Variants in APLF observed in about 807,000 individuals in gnomAD.
The protein encoded by APLF is aprataxin and PNK-like factor.
In APLF, 61 loss-of-function variants were observed where a neutral mutation model predicts 55.6. The ratio of observed to expected loss-of-function variants is 1.10; its 90% CI spans 0.89 to 1.36. The LOEUF (loss-of-function observed/expected upper bound fraction) is 1.36, where lower values mean the gene tolerates loss of function less well. APLF is among the 40% of genes most tolerant of loss of function. The probability of loss-of-function intolerance (pLI) is 0.00; values close to 1 mark genes in which losing one functional copy is unlikely to be tolerated. For missense variants in APLF, 611 were observed against 602.5 expected (o/e 1.01, Z -0.15); for synonymous variants, 207 against 214.8 (o/e 0.96, Z 0.32).
At chr2:68,469,799 A>G (rs1675562936) in intron 1 of APLF, among the ~76,000 whole-genome samples, 1 of 152,238 alleles carries the variant, frequency 6.6e-6, no homozygotes, top group Non-Finnish European at 1.5e-5. Flanking sequence ...AAACTCAGTA[A>G]GTTCATTGTA....
chr2:68,519,068 A>AATAATAATATAATATATAATTAATAT (rs1198895091), intron 5 of APLF, among the ~76,000 whole-genome samples: 20 of 117,300 alleles, frequency 1.7e-4, no homozygotes, highest in African/African-American at 6.2e-4. Context: ...ATTAATATAT[A>AATAATAATATAATATATAATTAATAT]ATAATAATAT....
At chr2:68,563,254 C>T (rs138615560) in intron 8 of APLF, 549 of 985,178 alleles carry the variant, frequency 5.6e-4, no homozygotes, top group Non-Finnish European at 6.3e-4. Context: ...AGATGAAAAC[C>T]TGTACATGTA....
At chr2:68,496,235 G>A (rs1676542117) in intron 2 of APLF, among the ~76,000 whole-genome samples, 1 of 152,188 alleles carries the variant, frequency 6.6e-6, no homozygotes, top group African/African-American at 2.4e-5. Context: ...CCAAGTAGCT[G>A]GGACTACAGG....
At chr2:68,497,612 T>A (rs1485760431) in intron 2 of APLF, among the ~76,000 whole-genome samples, 1 of 151,850 alleles carries the variant, frequency 6.6e-6, no homozygotes, top group Non-Finnish European at 1.5e-5. Context: ...TTACCCAGTC[T>A]TAGGTGAAAA....
rs1392873384 is a variant in APLF at position 68,537,120 on chromosome 2, G to A, written c.805-752G>A. Among the ~76,000 whole-genome samples, 6 of 150,536 alleles carry A rather than the reference G, an allele frequency of 4.0e-5. No homozygotes were observed. In the South Asian group the frequency reaches 1.0e-3, roughly 26 times the overall value. ...GCGGAGGTTGCAGTGAGCAGATATCGTGCCACCACACTCCAGGTTGGGAGA... is the reference window on the plus strand; with the variant it reads ...GCGGAGGTTGCAGTGAGCAGATATCATGCCACCACACTCCAGGTTGGGAGA... On this transcript the variant is annotated intron_variant, in intron 6 of 9. Coordinates refer to ENST00000303795, the MANE Select transcript of APLF (RefSeq NM_173545.3).
chr2:68,513,620 A>G lies in APLF; in HGVS notation c.562A>G (p.Thr188Ala), dbSNP rs373643795. ...ILAERKRILP[T>A]WMLAEHLSDQ... Reference sequence around the variant, plus strand: ...TGCCGAGAGGAAAAGAATCCTTCCAACTTGGATGTTAGCAGAACATTTAAG... The same window carrying G: ...TGCCGAGAGGAAAAGAATCCTTCCAGCTTGGATGTTAGCAGAACATTTAAG... Residue 188 changes from threonine to alanine, a missense_variant, in exon 5 of 10, where the codon ACT becomes GCT. Thr to Ala is a moderately conservative substitution (Grantham distance 58). Coordinates refer to ENST00000303795, the MANE Select transcript of APLF (RefSeq NM_173545.3). 23 of 1,611,464 alleles carry G rather than the reference A, an allele frequency of 1.4e-5. No homozygotes were observed. In the Middle Eastern group the frequency reaches 2.8e-3, roughly 196 times the overall value.
intron 5 of APLF, among the ~76,000 whole-genome samples, chr2:68,516,754 G>A (rs987487092): frequency 4.7e-5 from 7 of 147,956 alleles, no homozygotes; most frequent in Admixed American, 3.5e-4. Flanking sequence ...AGGTTGCTGC[G>A]AGTGCCATTA....
intron 5 of APLF, 121 bp from the exon 6 acceptor site, chr2:68,525,940 G>C: frequency 1.1e-6 from 1 of 898,138 alleles, no homozygotes; most frequent in Non-Finnish European, 1.6e-6. Context: ...AGTAGAGACC[G>C]GGTTTCACCA....
chr2:68,517,539 A>T (rs1194285043), intron 5 of APLF, among the ~76,000 whole-genome samples: 1 of 140,900 alleles, frequency 7.1e-6, no homozygotes, highest in Non-Finnish European at 1.5e-5. Context: ...TGTTATTAAC[A>T]TATGTCAATA....
chr2:68,558,049 CT>C (rs1474838268), intron 8 of APLF, among the ~76,000 whole-genome samples: 4 of 152,030 alleles, frequency 2.6e-5, no homozygotes, highest in Non-Finnish European at 5.9e-5. Flanking sequence ...TGGAAAAAAA[CT>C]ATCTTAAATA....
At chr2:68,573,588 G>A (rs1318804123) in intron 9 of APLF, among the ~76,000 whole-genome samples, 11 of 149,616 alleles carry the variant, frequency 7.4e-5, no homozygotes, top group African/African-American at 2.7e-4. Context: ...CAGGAGAATC[G>A]TTTGAACCCG....
intron 1 of APLF, among the ~76,000 whole-genome samples, chr2:68,482,477 G>A (rs911641631): frequency 1.3e-5 from 2 of 152,168 alleles, no homozygotes; most frequent in Non-Finnish European, 1.5e-5. Context: ...CCAGGGGTAT[G>A]CATGTACACA....
chr2:68,526,011 C>A, intron 5 of APLF, 50 bp from the exon 6 acceptor site: 1 of 1,509,868 alleles, frequency 6.6e-7, no homozygotes, highest in Non-Finnish European at 8.9e-7. Flanking sequence ...GGATTATTGA[C>A]ATTTGAAGAT....
At position 68,502,803 on chromosome 2, in the gene APLF, T is replaced by A. The variant is rs1210851962; in HGVS notation, c.241T>A (p.Cys81Ser). 6.2e-7 allele frequency: 1 copy of A among 1,608,664 alleles called. No homozygotes were observed. Among genetic ancestry groups the A allele is most frequent in the Non-Finnish European group, 8.5e-7 (1 of 1,178,216 alleles). Reference protein sequence around the residue: ...QLLPLKPNLWCYLNPGDSFSL... With the variant: ...QLLPLKPNLWSYLNPGDSFSL... The stretch of plus-strand genomic sequence containing the variant: ...CTTACCATTGAAGCCAAATCTATGG[T>A]GCTATTTGAATCCTGGAGACAGCTT... Residue 81 changes from cysteine to serine, a missense_variant, in exon 3 of 10, where the codon TGC (cysteine) becomes AGC (serine). Transcript: ENST00000303795.
intron 8 of APLF, among the ~76,000 whole-genome samples, chr2:68,547,655 A>G (rs900922941): frequency 1.3e-5 from 2 of 151,842 alleles, no homozygotes; most frequent in East Asian, 3.8e-4. Flanking sequence ...TGAAGAAAAA[A>G]TAAAATTTGA....
chr2:68,577,917 G>A lies in APLF; in HGVS notation c.1431G>A (p.Glu477=), dbSNP rs1322697020. 6.2e-7 allele frequency: 1 copy of A among 1,613,604 alleles called. No individual in the cohort carries two copies. ...TAGATGATGAGGAAGAAGACTATGA[G>A]CCAACAGATGAAGATTCTGACTGGG... ...SFLDDEEEDY[E]PTDEDSDWEP... The change falls in exon 10 of 10, where the codon GAG becomes GAA. Residue 477 remains glutamate (E), a synonymous_variant. Transcript: ENST00000303795.
intron 3 of APLF, among the ~76,000 whole-genome samples, chr2:68,509,255 A>G (rs1407011246): frequency 6.6e-6 from 1 of 152,188 alleles, no homozygotes; most frequent in African/African-American, 2.4e-5. Flanking sequence ...TCTGCACAGC[A>G]AAAGAAACTA....
chr2:68,541,214 T>A lies in APLF; in HGVS notation c.1160+2987T>A, dbSNP rs558350728. 5.3e-5 allele frequency among the ~76,000 whole-genome samples: 8 copies of A among 152,282 alleles called. No homozygotes were observed. In the South Asian group the frequency reaches 1.7e-3, roughly 32 times the overall value. On this transcript the variant is annotated intron_variant, in intron 7 of 9. Transcript: ENST00000303795. ...CAGAGGATAACATAGAATATATTCA[T>A]GACATTGGGCAAAGATTTCTTAAGC...
At position 68,529,571 on chromosome 2, in the gene APLF, A is replaced by G; in HGVS notation, c.804+3329A>G. ...GTGCACACTGGGCATCTGGGAGTTT[A>G]TGACATCACCATGGGGCTGGTGACA... On this transcript the variant is annotated intron_variant, in intron 6 of 9. Transcript: ENST00000303795. This position sits in a 1 kb window ranked among gnomAD's most constrained non-coding sequence, Gnocchi z 4.4. The G allele has an allele frequency of 1.6e-6, 1 of 613,556 alleles. No homozygotes were observed. The highest frequency in any genetic ancestry group is 2.1e-6 in the Non-Finnish European group (1 of 483,732). The allele number at this position is 613,556 out of a possible 1,614,324, so 38.0% of individuals were successfully genotyped here. A position where few individuals can be genotyped will look rare whatever the true frequency, so the allele number is the denominator to read the frequency against.
Sources: allele counts gnomAD v4.1 joint callset (sites outside exome capture counted in the v4.1 genomes callset), GRCh38; gene constraint gnomAD v4.1.1; non-coding constraint Gnocchi (gnomAD v3.1); transcripts MANE v1.5; gene names NCBI Gene and HGNC (gene_info 2026-07-23, HGNC 2026-07-21).